The following NRG1 variants were observed in gnomAD, a reference collection of about 807,000 sequenced individuals.
NRG1 encodes neuregulin 1, also known as pro-neuregulin-1, membrane-bound isoform.
In NRG1, 18 loss-of-function variants were observed where a neutral mutation model predicts 63.8. That is an observed-to-expected ratio of 0.28 (90% confidence interval 0.19 to 0.42). The LOEUF is 0.42. Among genes scored for constraint, NRG1 ranks in the 10% least tolerant of loss-of-function variants. The pLI, the probability that NRG1 is intolerant of heterozygous loss-of-function variation, is 1.00. For missense variants in NRG1, 762 were observed against 814.7 expected, an observed-to-expected ratio of 0.94 and a Z score of 0.79; for synonymous variants, 302 against 301.3, an observed-to-expected ratio of 1.00 and a Z score of -0.02.
intron 1 of NRG1, among the ~76,000 whole-genome samples, chr8:31,943,182 C>A (rs146432739): frequency 3.9e-5 from 6 of 152,010 alleles, no homozygotes; most frequent in African/African-American, 4.8e-5. Context: ...TGTACACACA[C>A]GCCATGGAAT....
intron 5 of NRG1, among the ~76,000 whole-genome samples, chr8:32,698,925 A>G (rs1188449626): frequency 6.6e-6 from 1 of 152,198 alleles, no homozygotes; most frequent in Admixed American, 6.5e-5. Flanking sequence ...CTTCACCTAG[A>G]TAGACTAAGG....
At chr8:31,957,623 A>G (rs1169958233) in intron 1 of NRG1, among the ~76,000 whole-genome samples, 1 of 148,886 alleles carries the variant, frequency 6.7e-6, no homozygotes, top group Admixed American at 6.6e-5. Flanking sequence ...TGTTAATGAG[A>G]TATTTTGAAT....
At chr8:31,698,859 C>A (rs911800490) in intron 1 of NRG1, among the ~76,000 whole-genome samples, 1 of 152,166 alleles carries the variant, frequency 6.6e-6, no homozygotes, top group South Asian at 2.1e-4. Context: ...TGTTACAGTA[C>A]AACCTTGGGT....
At chr8:32,054,291 C>T (rs79704619) in intron 1 of NRG1, among the ~76,000 whole-genome samples, 1,759 of 152,252 alleles carry the variant, frequency 0.012, 31 homozygotes, top group African/African-American at 0.038. Flanking sequence ...GAGCACATCA[C>T]GTGACTCTGA....
chr8:31,824,607 A>G (rs1386493445), intron 1 of NRG1, among the ~76,000 whole-genome samples: 1 of 152,214 alleles, frequency 6.6e-6, no homozygotes, highest in Non-Finnish European at 1.5e-5. Context: ...GGCTTTACAT[A>G]TCTTGTTTCC....
chr8:32,355,250 G>A (rs1184640458), intron 1 of NRG1, among the ~76,000 whole-genome samples: 1 of 152,094 alleles, frequency 6.6e-6, no homozygotes, highest in Non-Finnish European at 1.5e-5. Flanking sequence ...CCTGAGCTCA[G>A]GAGTTCAAAA....
At chr8:31,981,043 T>G (rs1335251027) in intron 1 of NRG1, among the ~76,000 whole-genome samples, 2 of 152,062 alleles carry the variant, frequency 1.3e-5, no homozygotes, top group East Asian at 3.9e-4. Flanking sequence ...ATTTATGTCT[T>G]GGTTTAGAAA....
At chr8:32,048,140 C>T (rs1821310025) in intron 1 of NRG1, among the ~76,000 whole-genome samples, 1 of 151,610 alleles carries the variant, frequency 6.6e-6, no homozygotes, top group Admixed American at 6.6e-5. Flanking sequence ...TTCCTTTATC[C>T]ATTCATCCAC....
intron 1 of NRG1, among the ~76,000 whole-genome samples, chr8:32,087,540 G>C (rs1176805822): frequency 7.2e-6 from 1 of 138,574 alleles, no homozygotes; most frequent in African/African-American, 2.8e-5. Flanking sequence ...GGAGTGGAGT[G>C]GCTCACTGCA....
At chr8:32,205,840 G>A (rs1786567030) in intron 1 of NRG1, among the ~76,000 whole-genome samples, 1 of 151,840 alleles carries the variant, frequency 6.6e-6, no homozygotes, top group South Asian at 2.1e-4. Context: ...GGTCAGGCAT[G>A]GTGGCTGATG....
intron 1 of NRG1, among the ~76,000 whole-genome samples, chr8:31,772,321 G>A (rs1019581361): frequency 2.0e-5 from 3 of 151,952 alleles, no homozygotes; most frequent in Non-Finnish European, 2.9e-5. Flanking sequence ...CCTCTCCCAC[G>A]GAAAGACCTG....
intron 1 of NRG1, among the ~76,000 whole-genome samples, chr8:32,280,701 T>TG (rs560612845): frequency 0.068 from 8,892 of 130,130 alleles, 320 homozygotes; most frequent in Non-Finnish European, 0.11. Context: ...GTTTTTTTTT[T>TG]TTTTTTTTTT....
chr8:31,995,101 C>T (rs1811748013), intron 1 of NRG1, among the ~76,000 whole-genome samples: 1 of 151,884 alleles, frequency 6.6e-6, no homozygotes, highest in South Asian at 2.1e-4. Context: ...TGTAAGGGGA[C>T]TATCTTACTT....
chr8:31,846,595 G>A (rs1826711582), intron 1 of NRG1, among the ~76,000 whole-genome samples: 1 of 152,142 alleles, frequency 6.6e-6, no homozygotes, highest in African/African-American at 2.4e-5. Flanking sequence ...AGTGCTCACA[G>A]GATAATAGAA....
intron 1 of NRG1, among the ~76,000 whole-genome samples, chr8:32,060,286 A>G (rs1334035456): frequency 6.7e-6 from 1 of 149,772 alleles, no homozygotes; most frequent in South Asian, 2.1e-4. Flanking sequence ...TTTTTTTTTT[A>G]TCTAATAGAA....
chr8:31,744,917 C>T (rs749688570), intron 1 of NRG1, among the ~76,000 whole-genome samples: 4 of 151,888 alleles, frequency 2.6e-5, no homozygotes, highest in Non-Finnish European at 4.4e-5. Context: ...GCAAAGAGTC[C>T]TTAGAATTTT....
At chr8:32,344,305 CT>C (rs10712083) in intron 1 of NRG1, among the ~76,000 whole-genome samples, 73,707 of 142,920 alleles carry the variant, frequency 0.52, 20,188 homozygotes, top group Non-Finnish European at 0.61. Flanking sequence ...AGAGCCACAT[CT>C]TTTTTTTTTC....
intron 1 of NRG1, among the ~76,000 whole-genome samples, chr8:31,820,417 A>G (rs1823893914): frequency 3.3e-5 from 5 of 152,176 alleles, no homozygotes; most frequent in Admixed American, 3.3e-4. Context: ...TCATGAGCAT[A>G]TGGCTCCAGA....
At chr8:31,926,715 T>C (rs1251192369) in intron 1 of NRG1, among the ~76,000 whole-genome samples, 2 of 152,182 alleles carry the variant, frequency 1.3e-5, no homozygotes, top group Admixed American at 6.5e-5. Context: ...GATTTCAAGC[T>C]GTCAAAACCC....
Sources: gnomAD v4.1 joint callset for allele counts (sites outside exome capture counted in the v4.1 genomes callset) on GRCh38, gnomAD v4.1.1 for gene constraint, MANE v1.5 for transcripts, NCBI Gene and HGNC (gene_info 2026-07-23, HGNC 2026-07-21) for gene names.